Variants in DSE observed in about 807,000 individuals in gnomAD.
DSE encodes dermatan-sulfate epimerase.
Under a neutral mutation model 84.4 loss-of-function variants are expected in DSE, and 36 were observed. The observed-to-expected ratio is 0.43, with a 90% CI of 0.33 to 0.56. The LOEUF is 0.56. Ranked by LOEUF, DSE falls within the 20% of genes least tolerant of loss-of-function variation. The probability of loss-of-function intolerance (pLI) is 0.06; values close to 1 mark genes in which losing one functional copy is unlikely to be tolerated. For synonymous variants in DSE, 410 were observed against 430.1 expected, an observed-to-expected ratio of 0.95 and a Z score of 0.58; for missense variants, 862 against 1,169.6, an observed-to-expected ratio of 0.74 and a Z score of 3.84.
intron 1 of DSE, among the ~76,000 whole-genome samples, chr6:116,374,856 G>A (rs770193787): frequency 5.3e-5 from 8 of 152,088 alleles, no homozygotes; most frequent in Non-Finnish European, 8.8e-5. Flanking sequence ...TGACCCAATC[G>A]CCTCTAGGTC....
chr6:116,280,199 G>A (rs1310146400), intron 2 of DSE: 6 of 365,456 alleles, frequency 1.6e-5, no homozygotes, highest in African/African-American at 1.0e-4. Flanking sequence ...CCGTAACAGT[G>A]CCTGCTCTCC....
intron 2 of DSE, among the ~76,000 whole-genome samples, chr6:116,357,266 C>T (rs1162972182): frequency 6.6e-6 from 1 of 152,176 alleles, no homozygotes; most frequent in East Asian, 1.9e-4. Flanking sequence ...GGCACGGTGG[C>T]TCAAGCCTGT....
chr6:116,309,345 C>T (rs1172061113), intron 2 of DSE, among the ~76,000 whole-genome samples: 2 of 135,308 alleles, frequency 1.5e-5, no homozygotes, highest in Non-Finnish European at 3.4e-5. Flanking sequence ...CATACATACA[C>T]ACCACTCTAA....
intron 2 of DSE, among the ~76,000 whole-genome samples, chr6:116,354,650 C>A (rs1471651313): frequency 6.6e-6 from 1 of 151,964 alleles, no homozygotes; most frequent in Non-Finnish European, 1.5e-5. Context: ...GAAAACAGAC[C>A]CCACTGGGCA....
rs1012642843 is a variant in DSE, at chr6:116,324,345, T to G, written c.-54+65378T>G. ...GAAAGCAAAGGTATTTTGACTATTT[T>G]TCCCAGTTTGCTTTAATAGCTTAGG... On this transcript the variant is annotated intron_variant, in intron 2 of 3. Transcript: ENST00000430252. Among the ~76,000 whole-genome samples the G allele has an allele frequency of 2.9e-4, 44 of 152,208 alleles. 1 individual carries two copies. Among genetic ancestry groups the G allele is most frequent in the African/African-American group, 1.1e-3 (44 of 41,456 alleles).
chr6:116,385,913 G>A (rs1417039047), intron 1 of DSE, among the ~76,000 whole-genome samples: 1 of 151,874 alleles, frequency 6.6e-6, no homozygotes, highest in East Asian at 1.9e-4. Context: ...AGAACTTCAT[G>A]TGTAGTAATA....
At chr6:116,412,547 GCTTATTTTGGAT>G (rs1259869197) in intron 2 of DSE, 1 of 152,178 alleles carries the variant, frequency 6.6e-6, no homozygotes. Context: ...CTGATGGGTG[GCTTATTTTGGAT>G]CACATTTACC....
At chr6:116,354,209 C>G (rs1423907099) in intron 2 of DSE, among the ~76,000 whole-genome samples, 1 of 152,136 alleles carries the variant, frequency 6.6e-6, no homozygotes, top group African/African-American at 2.4e-5. Context: ...CTATATAACT[C>G]TAATGAGCAA....
chr6:116,321,374 A>G (rs76527260), intron 2 of DSE, among the ~76,000 whole-genome samples: 10,001 of 148,222 alleles, frequency 0.067, 736 homozygotes, highest in African/African-American at 0.18. Context: ...GGGTCTTGCT[A>G]TCTTGGCCAG....
intron 3 of DSE, among the ~76,000 whole-genome samples, chr6:116,427,738 TC>T (rs1439418939): frequency 1.3e-5 from 2 of 152,242 alleles, no homozygotes; most frequent in African/African-American, 4.8e-5. Context: ...TGGACCCACT[TC>T]TGGCCATCCA....
chr6:116,338,204 C>T, intron 2 of DSE, among the ~76,000 whole-genome samples: 1 of 142,656 alleles, frequency 7.0e-6, no homozygotes, highest in African/African-American at 2.8e-5. Context: ...TTTCTTCTTA[C>T]CTTCTTTCTT....
chr6:116,254,282 C>G, exon 1 of DSE: 1 of 660,846 alleles, frequency 1.5e-6, no homozygotes, highest in Non-Finnish European at 2.8e-6. Context: ...TGGATGTAGA[C>G]CAGACTCAAG....
intron 2 of DSE, among the ~76,000 whole-genome samples, chr6:116,267,177 T>C (rs537153460): frequency 2.0e-4 from 30 of 152,250 alleles, no homozygotes; most frequent in Admixed American, 1.9e-3. Context: ...ATACTATATG[T>C]GATTGTAGAG....
At chr6:116,323,132 G>A (rs1044240805) in intron 2 of DSE, among the ~76,000 whole-genome samples, 3 of 152,168 alleles carry the variant, frequency 2.0e-5, no homozygotes, top group African/African-American at 7.2e-5. Flanking sequence ...TATTCTTTAA[G>A]ATGTCAGTGG....
In DSE at chr6:116,319,565, G is replaced by C. The variant is rs139094195; in HGVS notation, c.-54+60598G>C. On this transcript the variant is annotated intron_variant, in intron 2 of 3. Coordinates refer to the DSE transcript ENST00000430252. Reference sequence around the variant, plus strand: ...AAGTACAACTTAGAAGAGGTCTGAAGTGAACGTATTTGTTGAAAAACCCTA... The same window carrying C: ...AAGTACAACTTAGAAGAGGTCTGAACTGAACGTATTTGTTGAAAAACCCTA... Among the ~76,000 whole-genome samples, 220 of 152,320 alleles carry C rather than the reference G, an allele frequency of 1.4e-3. 1 individual carries two copies. Among genetic ancestry groups the C allele is most frequent in the African/African-American group, 5.0e-3 (207 of 41,576 alleles).
At chr6:116,331,543 G>A (rs1035831296) in intron 2 of DSE, among the ~76,000 whole-genome samples, 3 of 152,108 alleles carry the variant, frequency 2.0e-5, no homozygotes, top group South Asian at 2.1e-4. Context: ...ATTACAATTC[G>A]GATTACAATT....
At chr6:116,279,217 G>C (rs779970239) in intron 2 of DSE, 1 of 1,609,434 alleles carries the variant, frequency 6.2e-7, no homozygotes. Flanking sequence ...ATCCTCCTCC[G>C]CCACTTCTAT....
chr6:116,430,507 A>T (rs1583226688), intron 3 of DSE, among the ~76,000 whole-genome samples: 1 of 152,016 alleles, frequency 6.6e-6, no homozygotes, highest in Non-Finnish European at 1.5e-5. Context: ...AGTGACTGAT[A>T]CTCATTTAAG....
chr6:116,431,009 A>G lies in DSE; in HGVS notation c.726A>G (p.Lys242=). The G allele has an allele frequency of 6.2e-7, 1 of 1,614,154 alleles. No individual in the cohort carries two copies. Among genetic ancestry groups the G allele is most frequent in the Non-Finnish European group, 8.5e-7 (1 of 1,180,040 alleles). ...AACAAGTTCTGACCATCATGGAGAA[A>G]TCTCTGGTCTTGCTCAGGGAGGTGA... ...WTKQVLTIME[K]SLVLLREVTD... The change falls in exon 4 of 6, where the codon AAA becomes AAG. Residue 242 remains lysine, a synonymous_variant. Transcript: ENST00000644252.
Sources: allele counts gnomAD v4.1 joint callset (sites outside exome capture counted in the v4.1 genomes callset), GRCh38; gene constraint gnomAD v4.1.1; transcripts MANE v1.5; gene names NCBI Gene and HGNC (gene_info 2026-07-23, HGNC 2026-07-21).